Variants in PACRGL observed in about 807,000 individuals in gnomAD.
The protein encoded by PACRGL is PACRG-like protein.
A neutral mutation model predicts 34.5 loss-of-function variants in PACRGL; 38 were observed. The ratio of observed to expected loss-of-function variants is 1.10; its 90% CI spans 0.85 to 1.44. The LOEUF (loss-of-function observed/expected upper bound fraction) is 1.44, where lower values mean the gene tolerates loss of function less well. Ranked by LOEUF, PACRGL falls within the 40% of genes most tolerant of loss-of-function variation. The probability of loss-of-function intolerance (pLI) is 0.00; values close to 1 mark genes in which losing one functional copy is unlikely to be tolerated. For synonymous variants in PACRGL, 128 were observed against 100.1 expected (o/e 1.28, Z -1.66); for missense variants, 305 against 281.4 (o/e 1.08, Z -0.60).
intron 7 of PACRGL, among the ~76,000 whole-genome samples, chr4:20,719,391 T>G (rs539441231): frequency 8.5e-5 from 13 of 152,308 alleles, no homozygotes; most frequent in East Asian, 1.9e-4. Flanking sequence ...TGTTTGCTCT[T>G]GCTTCTCTAG....
At chr4:20,736,416 C>A (rs997197333), downstream of PACRGL, among the ~76,000 whole-genome samples, 6 of 151,988 alleles carry the variant, frequency 3.9e-5, no homozygotes, top group Non-Finnish European at 5.9e-5. Flanking sequence ...ATCATATATT[C>A]TAAACTAGTT....
rs182798410 is a variant in PACRGL, at chr4:20,717,176, G to T, written c.609+3637G>T. Among the ~76,000 whole-genome samples the T allele has an allele frequency of 1.9e-3, 294 of 152,186 alleles. 1 individual carries two copies. The highest frequency in any genetic ancestry group is 4.6e-3 in the East Asian group (24 of 5,166). The stretch of plus-strand genomic sequence containing the variant: ...GTATCCTTCACCCACTTTTTGATGG[G>T]GTTGTTTGTTTTTTTCTTGTAAATT... On this transcript the variant is annotated intron_variant, in intron 7 of 8. Transcript: ENST00000503585.
chr4:20,762,072 T>G, the PACRGL span, among the ~76,000 whole-genome samples: 1 of 152,180 alleles, frequency 6.6e-6, no homozygotes, highest in Non-Finnish European at 1.5e-5. Context: ...ACTAGGCAGC[T>G]TATAAACAAT....
chr4:20,722,230 T>C (rs1743643602), intron 7 of PACRGL, among the ~76,000 whole-genome samples: 1 of 152,228 alleles, frequency 6.6e-6, no homozygotes, highest in South Asian at 2.1e-4. Flanking sequence ...TGTCACAGCT[T>C]TGCTTGGCTA....
intron 8 of PACRGL, among the ~76,000 whole-genome samples, chr4:20,739,471 A>G (rs895564236): frequency 1.3e-5 from 2 of 152,212 alleles, no homozygotes; most frequent in African/African-American, 2.4e-5. Context: ...GTGGACCTCC[A>G]GCAAACTCCA....
chr4:20,716,603 G>C (rs1183027040), intron 7 of PACRGL, among the ~76,000 whole-genome samples: 3 of 152,134 alleles, frequency 2.0e-5, no homozygotes, highest in African/African-American at 7.2e-5. Context: ...CTGTCCTTGA[G>C]CTAGTTTGCT....
intron 8 of PACRGL, 77 bp from the exon 9 acceptor site, chr4:20,727,208 C>CAAAT (rs1746117594): frequency 7.9e-7 from 1 of 1,262,144 alleles, no homozygotes; most frequent in Non-Finnish European, 1.1e-6. Flanking sequence ...ACTTTCTAGG[C>CAAAT]ATATTCCTGC....
chr4:20,701,851 A>C (rs1473822920), intron 1 of PACRGL: 1 of 456,648 alleles, frequency 2.2e-6, no homozygotes, highest in Non-Finnish European at 4.4e-6. Flanking sequence ...TGGAACCCGC[A>C]TATACGGAGA....
chr4:20,696,711 G>C (rs1390494459), upstream of PACRGL, among the ~76,000 whole-genome samples: 1 of 152,152 alleles, frequency 6.6e-6, no homozygotes, highest in African/African-American at 2.4e-5. Flanking sequence ...TTCATTCTAT[G>C]TTTGCCCAAC....
chr4:20,747,996 C>A (rs1752725801), intron 8 of PACRGL, among the ~76,000 whole-genome samples: 1 of 152,130 alleles, frequency 6.6e-6, no homozygotes, highest in African/African-American at 2.4e-5. Context: ...TTGTTTCATG[C>A]TTCACCTCCA....
At chr4:20,723,684 G>A (rs537374100) in intron 7 of PACRGL, among the ~76,000 whole-genome samples, 64 of 152,238 alleles carry the variant, frequency 4.2e-4, no homozygotes, top group African/African-American at 1.4e-3. Flanking sequence ...GGTCAGTGGC[G>A]TTTATCTTTG....
intron 4 of PACRGL, 152 bp from the exon 5 acceptor site, chr4:20,709,531 C>G (rs934812069): frequency 6.0e-6 from 3 of 497,994 alleles, no homozygotes; most frequent in Non-Finnish European, 1.0e-5. Context: ...ATTGACATTA[C>G]TTTGTAAAAT....
At chr4:20,752,979 A>G (rs903165132), downstream of PACRGL, 11 of 152,336 alleles carry the variant, frequency 7.2e-5, no homozygotes, top group South Asian at 4.1e-4. Context: ...TTCTCCGTCT[A>G]TGACCTCTTC....
At chr4:20,713,803 G>C (rs191241511) in intron 7 of PACRGL, among the ~76,000 whole-genome samples, 1 of 152,078 alleles carries the variant, frequency 6.6e-6, no homozygotes, top group Non-Finnish European at 1.5e-5. Flanking sequence ...GTAGCTGAGC[G>C]GTTTTGAGTG....
intron 8 of PACRGL, among the ~76,000 whole-genome samples, chr4:20,742,865 A>T (rs116625768): frequency 0.017 from 2,544 of 152,284 alleles, 76 homozygotes; most frequent in African/African-American, 0.058. Context: ...ACTTAAGCGA[A>T]GTCTCAGGGT....
chr4:20,724,681 A>G lies in PACRGL; in HGVS notation c.610-127A>G, dbSNP rs139004278. The stretch of plus-strand genomic sequence containing the variant: ...AGGTACCTTATACATGTAAATTTCA[A>G]TGAGATGCTTCCTAAAAAAAGCCTT... On this transcript the variant is annotated intron_variant, in intron 7 of 8. Transcript: ENST00000503585. 1.2e-3 allele frequency: 526 copies of G among 439,552 alleles called. 4 individuals carry two copies. The South Asian group carries it at 0.02, about 16-fold the overall frequency. 27.2% of individuals were successfully genotyped at this position (439,552 alleles called of 1,614,324 possible). A position where few individuals can be genotyped will look rare whatever the true frequency, so the allele number is the denominator to read the frequency against.
At chr4:20,759,889 TGG>T in the PACRGL span, among the ~76,000 whole-genome samples, 3 of 152,072 alleles carry the variant, frequency 2.0e-5, no homozygotes. Context: ...TTGTTATCCT[TGG>T]GGCATTGCTT....
downstream of PACRGL, among the ~76,000 whole-genome samples, chr4:20,735,893 T>C (rs1749514840): frequency 6.6e-6 from 1 of 152,214 alleles, no homozygotes; most frequent in African/African-American, 2.4e-5. Context: ...ATTCAGTTTA[T>C]AATCCACTTT....
At chr4:20,698,670 A>G (rs189152572), upstream of PACRGL, among the ~76,000 whole-genome samples, 114 of 152,312 alleles carry the variant, frequency 7.5e-4, no homozygotes, top group Non-Finnish European at 1.2e-3. Context: ...TGATGACAGA[A>G]AGTTTAGAAG....
Sources: gnomAD v4.1 joint callset for allele counts (sites outside exome capture counted in the v4.1 genomes callset) on GRCh38, gnomAD v4.1.1 for gene constraint, MANE v1.5 for transcripts, NCBI Gene and HGNC (gene_info 2026-07-23, HGNC 2026-07-21) for gene names.